The following MAPK8IP1 variants were observed in gnomAD, a reference collection of about 807,000 sequenced individuals.
MAPK8IP1 encodes C-Jun-amino-terminal kinase-interacting protein 1.
In MAPK8IP1, 17 loss-of-function variants were observed where a neutral mutation model predicts 72.6. The ratio of observed to expected loss-of-function variants is 0.23; its 90% CI spans 0.16 to 0.35. The LOEUF is 0.35. Ranked by LOEUF, MAPK8IP1 falls within the 10% of genes least tolerant of loss-of-function variation. The probability of loss-of-function intolerance (pLI) is 1.00; values close to 1 mark genes in which losing one functional copy is unlikely to be tolerated. For missense variants in MAPK8IP1, 789 were observed against 1,009.7 expected (o/e 0.78, Z 2.96); for synonymous variants, 401 against 443.4 (o/e 0.90, Z 1.20).
rs2086704189 is a variant in MAPK8IP1, at chr11:45,905,837, G to A, written c.*116G>A. The A allele has an allele frequency of 3.0e-6, 3 of 1,010,784 alleles. No individual in the cohort carries two copies. The highest frequency in any genetic ancestry group is 4.6e-6 in the Non-Finnish European group (3 of 648,310). The allele number at this position is 1,010,784 out of a possible 1,614,324, so 62.6% of individuals were successfully genotyped here. A position where few individuals can be genotyped will look rare whatever the true frequency, so the allele number is the denominator to read the frequency against. On this transcript the variant is annotated 3_prime_UTR_variant, in exon 12 of 12. Coordinates refer to ENST00000241014, the MANE Select transcript of MAPK8IP1 (RefSeq NM_005456.4). ...GCACCTGCCACCGCCAGAGGACAAG[G>A]AAGTGGGGGCCGCTGGCCCAGGGTA...
At chr11:45,895,631 A>AT (rs1554960466) in intron 1 of MAPK8IP1, among the ~76,000 whole-genome samples, 8 of 34,636 alleles carry the variant, frequency 2.3e-4, no homozygotes, top group Admixed American at 1.0e-3. Context: ...AAAAAAAAAA[A>AT]AAATATATAT....
chr11:45,905,318 C>G, intron 11 of MAPK8IP1, 69 bp downstream of exon 11: 3 of 1,399,078 alleles, frequency 2.1e-6, no homozygotes, highest in Non-Finnish European at 3.0e-6. Context: ...GGGGCTGCTT[C>G]CTGGCGCTCA....
In MAPK8IP1 at chr11:45,905,639, T is replaced by G. The variant is rs2086702255; in HGVS notation, c.2064-10T>G. On this transcript the variant is annotated splice_polypyrimidine_tract_variant and intron_variant, in intron 11 of 11. Transcript: ENST00000241014. ...CGATCTGAGCCATCTGTGTGTCCCCTGGCTTCTAGGAGAGCATTCCAGCAG... is the reference window on the plus strand; with the variant it reads ...CGATCTGAGCCATCTGTGTGTCCCCGGGCTTCTAGGAGAGCATTCCAGCAG... 6.8e-6 allele frequency: 11 copies of G among 1,613,466 alleles called. No individual in the cohort carries two copies. The highest frequency in any genetic ancestry group is 9.3e-6 in the Non-Finnish European group (11 of 1,179,444).
Position 45,895,242 on chromosome 11 carries a change from G to A in MAPK8IP1, c.102-2843G>A, listed in dbSNP as rs145619626. Among the ~76,000 whole-genome samples the A allele has an allele frequency of 4.6e-5, 7 of 152,302 alleles. No individual in the cohort carries two copies. The East Asian group carries it at 1.4e-3, about 29-fold the overall frequency. The stretch of plus-strand genomic sequence containing the variant: ...TAGGGAGACTGAGACAGACAGGCCA[G>A]TGGGGACATCTGGGAGGGCAGAGGC... On this transcript the variant is annotated intron_variant, in intron 1 of 11. Transcript: ENST00000241014.
chr11:45,902,921 T>A lies in MAPK8IP1; in HGVS notation c.1154T>A (p.Val385Glu). 6.2e-7 allele frequency: 1 copy of A among 1,610,542 alleles called. No individual in the cohort carries two copies. The highest frequency in any genetic ancestry group is 8.5e-7 in the Non-Finnish European group (1 of 1,179,014). ...SYDSVKYTLV[V>E]DEHAQLELVS... ...GACTCTGTCAAGTACACGCTGGTGGTAGATGAGCATGCACAGCTGGAGCTG... is the reference window on the plus strand; with the variant it reads ...GACTCTGTCAAGTACACGCTGGTGGAAGATGAGCATGCACAGCTGGAGCTG... Residue 385 changes from valine (V) to glutamate (E), a missense_variant, in exon 5 of 12, where the codon GTA (valine) becomes GAA (glutamate). Physicochemically the swap from Val to Glu is moderately radical, Grantham distance 121. Around this residue, in one of 4 missense-constraint regions of MAPK8IP1, gnomAD observed 377 missense variants for 411.7 expected, o/e 0.92. Transcript: ENST00000241014. This position sits in a 1 kb window ranked among gnomAD's most constrained non-coding sequence, Gnocchi z 9.3.
rs1014906236 is a variant in MAPK8IP1, at chr11:45,901,829, GA to G, written c.523-150del. ...CTTGCCACCCTTCCTGCCTGCTCCA[GA>G]GGAGAGTTACGAGTGAGGCCTTTGA... On this transcript the variant is annotated intron_variant, in intron 3 of 11. Coordinates refer to ENST00000241014, the MANE Select transcript of MAPK8IP1 (RefSeq NM_005456.4). 2.5e-5 allele frequency: 19 copies of G among 771,166 alleles called. No homozygotes were observed. In the African/African-American group the frequency reaches 3.0e-4, roughly 12 times the overall value. The allele number at this position is 771,166 out of a possible 1,614,324, so 47.8% of individuals were successfully genotyped here.
chr11:45,896,480 T>C, intron 1 of MAPK8IP1: 1 of 998,600 alleles, frequency 1.0e-6, no homozygotes, highest in Non-Finnish European at 1.2e-6. Context: ...CTTACAAGCC[T>C]GGGCCAGGGA....
chr11:45,900,753 AG>A lies in MAPK8IP1; in HGVS notation c.522+304del, dbSNP rs1031871817. Among the ~76,000 whole-genome samples, 7 of 152,074 alleles carry A rather than the reference AG, an allele frequency of 4.6e-5. No homozygotes were observed. Among genetic ancestry groups the A allele is most frequent in the African/African-American group, 1.7e-4 (7 of 41,416 alleles). ...GAGAATGAGGCTTTGAGGGGTTCGAAGGGTTTGGAGCCTGGGACCTCAGGCT... is the reference window on the plus strand; with the variant it reads ...GAGAATGAGGCTTTGAGGGGTTCGAAGGTTTGGAGCCTGGGACCTCAGGCT... On this transcript the variant is annotated intron_variant, in intron 3 of 11. Coordinates refer to ENST00000241014, the MANE Select transcript of MAPK8IP1 (RefSeq NM_005456.4). The surrounding 1 kb of genome is among the most constrained non-coding windows in gnomAD (Gnocchi z 6.5).
chr11:45,896,218 A>G (rs1309008688), intron 1 of MAPK8IP1, among the ~76,000 whole-genome samples: 2 of 152,216 alleles, frequency 1.3e-5, no homozygotes, highest in Admixed American at 6.5e-5. Flanking sequence ...CTGGGTCCTG[A>G]AGGCTCAAGC....
At chr11:45,899,844 C>A (rs1355598877) in intron 2 of MAPK8IP1, among the ~76,000 whole-genome samples, 1 of 152,212 alleles carries the variant, frequency 6.6e-6, no homozygotes, top group African/African-American at 2.4e-5. Flanking sequence ...GCTCGGCTTA[C>A]AACCCCGGTG....
intron 1 of MAPK8IP1, among the ~76,000 whole-genome samples, chr11:45,887,837 G>A (rs907261048): frequency 9.9e-5 from 15 of 152,218 alleles, no homozygotes; most frequent in African/African-American, 3.6e-4. Context: ...AGGCCCTGCC[G>A]GCCTGCCCCG....
At position 45,904,701 on chromosome 11, in the gene MAPK8IP1, C is replaced by A; in HGVS notation, c.1777-17C>A. ...GGAACAGACAGCAGCTGACGTGGCT[C>A]CATTTGTCACCTGTAGATTGCCACC... On this transcript the variant is annotated splice_polypyrimidine_tract_variant and intron_variant, in intron 8 of 11. Transcript: ENST00000241014. This position sits in a 1 kb window ranked among gnomAD's most constrained non-coding sequence, Gnocchi z 6.4. 6.2e-7 allele frequency: 1 copy of A among 1,612,778 alleles called. No individual in the cohort carries two copies. Among genetic ancestry groups the A allele is most frequent in the Non-Finnish European group, 8.5e-7 (1 of 1,179,166 alleles).
At position 45,903,427 on chromosome 11, in the gene MAPK8IP1, C is replaced by A. The variant is rs761101676; in HGVS notation, c.1480C>A (p.Arg494=). The change falls in exon 6 of 12, where the codon CGG becomes AGG. Residue 494 remains arginine (R), a synonymous_variant. Coordinates refer to ENST00000241014, the MANE Select transcript of MAPK8IP1 (RefSeq NM_005456.4). The surrounding 1 kb of genome is among the most constrained non-coding windows in gnomAD (Gnocchi z 6.4). ...INGEEQEQTH[R]AIFRFVPRHE... is the part of the protein sequence containing the mutation. ...CGGGGAGGAGCAGGAGCAGACCCAC[C>A]GGGCCATATTCAGGTGAGAGCCATG... is the stretch of plus-strand genomic sequence containing the variant. 2 of 1,612,386 alleles carry A rather than the reference C, an allele frequency of 1.2e-6. No individual in the cohort carries two copies. Among genetic ancestry groups the A allele is most frequent in the South Asian group, 1.1e-5 (1 of 90,982 alleles).
rs1428329457 is a variant in MAPK8IP1 at position 45,902,747 on chromosome 11, C to G, written c.980C>G (p.Pro327Arg). 1 of 1,604,492 alleles carries G rather than the reference C, an allele frequency of 6.2e-7. No individual in the cohort carries two copies. ...AYPSTAGRPHPSISEEEEGFD... is the reference protein window; with the variant it reads ...AYPSTAGRPHRSISEEEEGFD... The stretch of plus-strand genomic sequence containing the variant: ...CCCTCCACGGCAGGGCGGCCGCACC[C>G]CTCCATCAGTGAAGAGGAAGAGGGC... Residue 327 changes from proline (P) to arginine (R), a missense_variant, in exon 5 of 12, where the codon CCC (proline) becomes CGC (arginine). Pro to Arg is a moderately radical substitution (Grantham distance 103, BLOSUM62 -2). Transcript: ENST00000241014. The surrounding 1 kb of genome is among the most constrained non-coding windows in gnomAD (Gnocchi z 9.3).
intron 1 of MAPK8IP1, among the ~76,000 whole-genome samples, chr11:45,894,083 G>C (rs886312359): frequency 6.6e-6 from 1 of 152,194 alleles, no homozygotes; most frequent in Non-Finnish European, 1.5e-5. Context: ...TCTGAGGTGG[G>C]TGGGCAGGGA....
rs568505136 is a variant in MAPK8IP1 at position 45,900,870 on chromosome 11, G to T, written c.522+418G>T. Among the ~76,000 whole-genome samples the T allele has an allele frequency of 1.3e-5, 2 of 152,110 alleles. No homozygotes were observed. Among genetic ancestry groups the T allele is most frequent in the African/African-American group, 4.8e-5 (2 of 41,416 alleles). On this transcript the variant is annotated intron_variant, in intron 3 of 11. Transcript: ENST00000241014. The surrounding 1 kb of genome is among the most constrained non-coding windows in gnomAD (Gnocchi z 6.5). The stretch of plus-strand genomic sequence containing the variant: ...GAAAAGGGCATCTGAAATGGTCATC[G>T]TGGGGGAGGCCGTGGGAGATCGTGG...
chr11:45,896,873 G>C (rs1264642531), intron 1 of MAPK8IP1: 1 of 1,552,320 alleles, frequency 6.4e-7, no homozygotes, highest in East Asian at 2.4e-5. Flanking sequence ...GCCGGGCAGG[G>C]CTCTCCATGC....
Position 45,904,183 on chromosome 11 carries a change from G to A in MAPK8IP1, c.1666+22G>A. Reference sequence around the variant, plus strand: ...GCAGGTAGTGTTCCCTCCCTGGCCTGTGCCCCCAGCCACCACATCTGTCTG... The same window carrying A: ...GCAGGTAGTGTTCCCTCCCTGGCCTATGCCCCCAGCCACCACATCTGTCTG... On this transcript the variant is annotated intron_variant, in intron 7 of 11. Transcript: ENST00000241014. This position sits in a 1 kb window ranked among gnomAD's most constrained non-coding sequence, Gnocchi z 6.4. The A allele has an allele frequency of 6.2e-7, 1 of 1,609,534 alleles. No individual in the cohort carries two copies. The highest frequency in any genetic ancestry group is 2.2e-5 in the East Asian group (1 of 44,714).
At chr11:45,894,811 T>C (rs999556304) in intron 1 of MAPK8IP1, among the ~76,000 whole-genome samples, 1 of 152,192 alleles carries the variant, frequency 6.6e-6, no homozygotes, top group Non-Finnish European at 1.5e-5. Flanking sequence ...ATCAGGGTGC[T>C]GGATACAGGC....
Sources: gnomAD v4.1 joint callset for allele counts (sites outside exome capture counted in the v4.1 genomes callset) on GRCh38, gnomAD v4.1.1 for gene constraint, gnomAD v4.1.1 regional missense constraint, Gnocchi (gnomAD v3.1) non-coding constraint, MANE v1.5 for transcripts, NCBI Gene and HGNC (gene_info 2026-07-23, HGNC 2026-07-21) for gene names.